The following LRP1B variants were observed in gnomAD, a reference collection of about 807,000 sequenced individuals.
LRP1B encodes low-density lipoprotein receptor-related protein 1B.
Under a neutral mutation model 556.6 loss-of-function variants are expected in LRP1B, and 217 were observed. The ratio of observed to expected loss-of-function variants is 0.39; its 90% confidence interval spans 0.35 to 0.44. The LOEUF is 0.44. Among genes scored for constraint, LRP1B ranks in the 20% least tolerant of loss-of-function variants. LRP1B has a pLI of 1.00. For synonymous variants in LRP1B, 2,047 were observed against 1,865.8 expected (o/e 1.10, Z -2.50); for missense variants, 5,053 against 5,620.8 (o/e 0.90, Z 3.23).
intron 55 of LRP1B, among the ~76,000 whole-genome samples, chr2:140,500,652 C>T (rs1192363023): frequency 1.3e-5 from 2 of 151,852 alleles, no homozygotes; most frequent in African/African-American, 4.8e-5. Context: ...TATTAGAATC[C>T]TTCATATACA....
At chr2:140,916,308 A>C (rs950006511) in intron 21 of LRP1B, among the ~76,000 whole-genome samples, 1 of 152,192 alleles carries the variant, frequency 6.6e-6, no homozygotes, top group Non-Finnish European at 1.5e-5. Flanking sequence ...AATAATCCAG[A>C]TTGGTTTTCC....
chr2:141,526,591 G>A (rs1684699953), intron 2 of LRP1B, among the ~76,000 whole-genome samples: 1 of 151,956 alleles, frequency 6.6e-6, no homozygotes, highest in African/African-American at 2.4e-5. Flanking sequence ...AAGAAATCAA[G>A]TGACTATTAT....
chr2:141,470,293 A>G (rs1682413524), intron 3 of LRP1B, among the ~76,000 whole-genome samples: 1 of 152,218 alleles, frequency 6.6e-6, no homozygotes, highest in African/African-American at 2.4e-5. Context: ...ATTCTTCACC[A>G]AATGAAAGCA....
chr2:141,604,490 A>C (rs1439717640), intron 2 of LRP1B, among the ~76,000 whole-genome samples: 1 of 152,088 alleles, frequency 6.6e-6, no homozygotes, highest in East Asian at 1.9e-4. Flanking sequence ...GACAGTTTAA[A>C]GCCTGAAAAC....
chr2:140,649,461 T>TC (rs551575006), intron 41 of LRP1B, among the ~76,000 whole-genome samples: 19 of 152,310 alleles, frequency 1.2e-4, no homozygotes, highest in Non-Finnish European at 2.6e-4. Flanking sequence ...CTCCAAATTG[T>TC]CCCCAGACTA....
intron 11 of LRP1B, among the ~76,000 whole-genome samples, chr2:141,035,133 C>T (rs1698493166): frequency 1.3e-5 from 2 of 151,478 alleles, no homozygotes; most frequent in African/African-American, 4.9e-5. Flanking sequence ...CATGTTCTCA[C>T]TCATAGATGG....
At chr2:141,414,116 A>G (rs1343318306) in intron 3 of LRP1B, among the ~76,000 whole-genome samples, 2 of 151,614 alleles carry the variant, frequency 1.3e-5, no homozygotes, top group East Asian at 2.0e-4. Context: ...GGGTGCCTGT[A>G]GTCCCAGCTA....
At chr2:141,129,012 T>A (rs1701285556) in intron 7 of LRP1B, among the ~76,000 whole-genome samples, 1 of 152,166 alleles carries the variant, frequency 6.6e-6, no homozygotes, top group African/African-American at 2.4e-5. Flanking sequence ...AACGATTTGG[T>A]AAGGTGTCCA....
rs1360215901 is a variant in LRP1B, at chr2:141,262,083, A to G, written c.344-7442T>C. ...TTTAATTTAATTTTATTTTTTAGTC[A>G]TTTGAGTATATATGTAGTGGTAGCT... is the stretch of plus-strand genomic sequence containing the variant. On this transcript the variant is annotated intron_variant, in intron 3 of 90. Transcript: ENST00000389484. 3.9e-5 allele frequency among the ~76,000 whole-genome samples: 6 copies of G among 152,102 alleles called. No individual in the cohort carries two copies. In the East Asian group the frequency reaches 9.7e-4, roughly 24 times the overall value.
At chr2:140,748,225 T>A (rs1220140475) in intron 35 of LRP1B, among the ~76,000 whole-genome samples, 2 of 133,076 alleles carry the variant, frequency 1.5e-5, no homozygotes, top group Admixed American at 8.2e-5. Context: ...TATATAAAAG[T>A]CAAATATCCA....
intron 2 of LRP1B, among the ~76,000 whole-genome samples, chr2:141,692,653 T>G (rs538445022): frequency 6.6e-6 from 1 of 151,974 alleles, no homozygotes; most frequent in Non-Finnish European, 1.5e-5. Context: ...GGGTATATGT[T>G]CTGAGAAACG....
intron 35 of LRP1B, among the ~76,000 whole-genome samples, chr2:140,752,577 G>A (rs958617769): frequency 1.3e-5 from 2 of 151,960 alleles, no homozygotes; most frequent in Non-Finnish European, 1.5e-5. Flanking sequence ...CGCCTGCCTG[G>A]GCCTCCCAGA....
chr2:141,790,428 G>A (rs182815212), intron 2 of LRP1B, among the ~76,000 whole-genome samples: 14 of 151,820 alleles, frequency 9.2e-5, no homozygotes, highest in African/African-American at 3.1e-4. Flanking sequence ...TTGTGCCCTG[G>A]GAATTCTGAA....
chr2:142,032,840 A>T (rs547026864), intron 1 of LRP1B, among the ~76,000 whole-genome samples: 2 of 151,862 alleles, frequency 1.3e-5, no homozygotes, highest in East Asian at 3.9e-4. Flanking sequence ...CAAAGATATC[A>T]TTCTATCCCC....
intron 2 of LRP1B, among the ~76,000 whole-genome samples, chr2:141,511,535 A>G (rs922897): frequency 0.76 from 115,971 of 152,142 alleles, 44,714 homozygotes; most frequent in East Asian, 0.91. Context: ...AGGATGCAGA[A>G]GACTTCTTTC....
rs1385958669 is a variant in LRP1B, at chr2:141,810,267, C to T, written c.205+12G>A. The T allele has an allele frequency of 3.1e-6, 5 of 1,612,240 alleles. No homozygotes were observed. The African/African-American group carries it at 4.0e-5, about 13-fold the overall frequency. Reference sequence around the variant, plus strand: ...AGGTAAATCCGAATGGCATGAGAACCTTTCTACTCACAGGTATCTAAAGAC... The same window carrying T: ...AGGTAAATCCGAATGGCATGAGAACTTTTCTACTCACAGGTATCTAAAGAC... On this transcript the variant is annotated intron_variant, in intron 2 of 90. Coordinates refer to ENST00000389484, the MANE Select transcript of LRP1B (RefSeq NM_018557.3).
intron 66 of LRP1B, among the ~76,000 whole-genome samples, chr2:140,414,546 G>A (rs567150115): frequency 1.1e-4 from 17 of 152,216 alleles, no homozygotes; most frequent in African/African-American, 3.9e-4. Flanking sequence ...TGGGAAGTCA[G>A]GGACCCCGAA....
At chr2:140,808,066 T>A (rs1379693797) in intron 32 of LRP1B, among the ~76,000 whole-genome samples, 2 of 152,178 alleles carry the variant, frequency 1.3e-5, no homozygotes, top group African/African-American at 4.8e-5. Flanking sequence ...CATTCCAGCC[T>A]AGGTGACAGA....
chr2:141,987,227 T>A (rs1702217062), intron 1 of LRP1B, among the ~76,000 whole-genome samples: 1 of 151,944 alleles, frequency 6.6e-6, no homozygotes, highest in African/African-American at 2.4e-5. Flanking sequence ...ATTACACGGA[T>A]CAAGTAAACA....
Sources: gnomAD v4.1 joint callset for allele counts (sites outside exome capture counted in the v4.1 genomes callset) on GRCh38, gnomAD v4.1.1 for gene constraint, MANE v1.5 for transcripts, NCBI Gene and HGNC (gene_info 2026-07-23, HGNC 2026-07-21) for gene names.